The following MANBA variants were observed in gnomAD, a reference collection of about 807,000 sequenced individuals.
MANBA encodes mannosidase beta.
MANBA carries 83 observed loss-of-function variants against 111.1 expected under a neutral mutation model. The ratio of observed to expected loss-of-function variants is 0.75; its 90% confidence interval spans 0.63 to 0.90. MANBA has a LOEUF of 0.90. MANBA is among the 40% of genes least tolerant of loss of function. The pLI is 0.00. For missense variants in MANBA, 1,036 were observed against 1,069.0 expected (o/e 0.97, Z 0.43); for synonymous variants, 370 against 378.7 (o/e 0.98, Z 0.27).
At position 102,657,740 on chromosome 4, in the gene MANBA, G is replaced by A; in HGVS notation, c.1646C>T (p.Ala549Val). The change falls in exon 12 of 17, where the codon GCT (alanine) becomes GTT (valine). Residue 549 changes from alanine (A) to valine (V), a missense_variant. By Grantham distance (64) the Ala-to-Val change is moderately conservative (BLOSUM62 0). Coordinates refer to ENST00000647097, the MANE Select transcript of MANBA (RefSeq NM_005908.4). ...ATATCCATATTCAGATGCAAATCGA[G>A]CTTTTGGGAAAACTTTCCAGTTCCA... Reference protein sequence around the residue: ...DCWNWKVFPKARFASEYGYQS... With the variant: ...DCWNWKVFPKVRFASEYGYQS... The A allele has an allele frequency of 1.9e-6, 3 of 1,613,882 alleles. No individual in the cohort carries two copies. Among genetic ancestry groups the A allele is most frequent in the Non-Finnish European group, 2.5e-6 (3 of 1,179,822 alleles).
intron 1 of MANBA, chr4:102,727,269 T>C: frequency 1.8e-6 from 1 of 541,584 alleles, no homozygotes; most frequent in South Asian, 2.1e-5. Flanking sequence ...GGTCCTCACC[T>C]CACTTGACTT....
chr4:102,696,931 C>T (rs1214716149), intron 5 of MANBA, among the ~76,000 whole-genome samples: 2 of 152,172 alleles, frequency 1.3e-5, no homozygotes, highest in African/African-American at 2.4e-5. Context: ...TAAGCAGCTG[C>T]TTTTCAAAGA....
intron 5 of MANBA, among the ~76,000 whole-genome samples, chr4:102,694,640 T>C (rs1732624461): frequency 6.6e-6 from 1 of 151,870 alleles, no homozygotes; most frequent in Non-Finnish European, 1.5e-5. Flanking sequence ...GTACTGGGGG[T>C]GAGGGCAGGA....
intron 13 of MANBA, among the ~76,000 whole-genome samples, chr4:102,644,718 ATGTAT>A (rs924452282): frequency 4.6e-5 from 7 of 152,092 alleles, no homozygotes; most frequent in Non-Finnish European, 8.8e-5. Flanking sequence ...ATAATTAATA[ATGTAT>A]TGTATATTTG....
chr4:102,669,384 C>A (rs995622684), intron 9 of MANBA, among the ~76,000 whole-genome samples: 1 of 152,166 alleles, frequency 6.6e-6, no homozygotes, highest in Non-Finnish European at 1.5e-5. Context: ...TAATTCATTC[C>A]AATTTTCACC....
At chr4:102,714,071 T>G (rs571492849) in intron 5 of MANBA, among the ~76,000 whole-genome samples, 9 of 152,144 alleles carry the variant, frequency 5.9e-5, no homozygotes, top group African/African-American at 2.2e-4. Flanking sequence ...AGTCTAACGG[T>G]GTGAGCAAAG....
chr4:102,701,882 A>G (rs1733068413), intron 5 of MANBA, among the ~76,000 whole-genome samples: 2 of 151,602 alleles, frequency 1.3e-5, no homozygotes, highest in Non-Finnish European at 2.9e-5. Context: ...CGTTCTCTGT[A>G]TTTCCTGAAT....
intron 10 of MANBA, chr4:102,667,987 T>C (rs1731302359): frequency 6.6e-6 from 1 of 152,240 alleles, no homozygotes; most frequent in Non-Finnish European, 1.5e-5. Flanking sequence ...GATGTTTCAG[T>C]AGTATTTTAC....
At chr4:102,650,385 G>C (rs1480437068) in intron 13 of MANBA, 152 bp downstream of exon 13, 1 of 769,118 alleles carries the variant, frequency 1.3e-6, no homozygotes, top group Non-Finnish European at 2.1e-6. Flanking sequence ...CATGTCCTAT[G>C]TGTCATCATA....
chr4:102,654,771 A>G (rs1730488780), intron 12 of MANBA, among the ~76,000 whole-genome samples: 1 of 152,218 alleles, frequency 6.6e-6, no homozygotes, highest in Admixed American at 6.5e-5. Flanking sequence ...TCCCTAAGAA[A>G]AAGAACAACT....
intron 1 of MANBA, among the ~76,000 whole-genome samples, chr4:102,739,782 G>C (rs1400967469): frequency 1.3e-5 from 2 of 152,194 alleles, no homozygotes; most frequent in South Asian, 2.1e-4. Context: ...TGGCATAGAA[G>C]GGACATACCT....
At chr4:102,681,980 C>G (rs1205852017) in intron 7 of MANBA, among the ~76,000 whole-genome samples, 2 of 151,906 alleles carry the variant, frequency 1.3e-5, no homozygotes, top group Non-Finnish European at 2.9e-5. Context: ...ACCCCCATCT[C>G]TACTAAAAAT....
intron 9 of MANBA, among the ~76,000 whole-genome samples, chr4:102,669,474 G>C (rs1731388897): frequency 6.6e-6 from 1 of 152,188 alleles, no homozygotes; most frequent in Middle Eastern, 3.2e-3. Context: ...ATAGACAAAA[G>C]GATTACTACA....
Position 102,726,529 on chromosome 4 carries a change from C to A in MANBA, c.272+60G>T, listed in dbSNP as rs764271971. On this transcript the variant is annotated intron_variant, in intron 2 of 16. Coordinates refer to ENST00000647097, the MANE Select transcript of MANBA (RefSeq NM_005908.4). The stretch of plus-strand genomic sequence containing the variant: ...ACAAACAAAACACAACATTTTTGCC[C>A]AGATAGAAAAAGAAGAAAAGTTCAA... 6.2e-5 allele frequency: 57 copies of A among 915,036 alleles called. No individual in the cohort carries two copies. In the African/African-American group the frequency reaches 8.7e-4, roughly 14 times the overall value. The allele number at this position is 915,036 out of a possible 1,614,324, so 56.7% of individuals were successfully genotyped here.
At position 102,664,767 on chromosome 4, in the gene MANBA, T is replaced by C. The variant is rs776769550; in HGVS notation, c.1403A>G (p.His468Arg). The change falls in exon 11 of 17, where the codon CAT (histidine) becomes CGT (arginine). Residue 468 changes from histidine to arginine, a missense_variant. Coordinates refer to ENST00000647097, the MANE Select transcript of MANBA (RefSeq NM_005908.4). ...NEEALMMNWY[H>R]ISFTDRPIYI... The stretch of plus-strand genomic sequence containing the variant: ...GATTGGCCGGTCAGTGAAACTGATA[T>C]GATACCAATTCATCATCAGCGCCTC... The C allele has an allele frequency of 6.2e-6, 10 of 1,609,462 alleles. No homozygotes were observed. Among genetic ancestry groups the C allele is most frequent in the South Asian group, 2.2e-5 (2 of 90,988 alleles).
intron 4 of MANBA, among the ~76,000 whole-genome samples, chr4:102,720,894 A>G (rs1722539656): frequency 6.6e-6 from 1 of 152,248 alleles, no homozygotes; most frequent in Admixed American, 6.5e-5. Flanking sequence ...TTAAGGAAAC[A>G]TAATTTAATA....
intron 1 of MANBA, 38 bp downstream of exon 1, chr4:102,760,680 C>A: frequency 1.3e-6 from 2 of 1,501,258 alleles, no homozygotes; most frequent in Non-Finnish European, 1.8e-6. Flanking sequence ...CAGAAGAAGG[C>A]GGGCGCAGGC....
chr4:102,748,987 C>CT (rs1236346353), intron 1 of MANBA, among the ~76,000 whole-genome samples: 2 of 151,508 alleles, frequency 1.3e-5, no homozygotes, highest in East Asian at 1.9e-4. Context: ...TAATTTATCT[C>CT]TTTTTTTAAA....
In MANBA at chr4:102,714,524, A is replaced by G; in HGVS notation, c.587T>C (p.Phe196Ser). 6.2e-7 allele frequency: 1 copy of G among 1,608,626 alleles called. No individual in the cohort carries two copies. Among genetic ancestry groups the G allele is most frequent in the Non-Finnish European group, 8.5e-7 (1 of 1,174,976 alleles). Residue 196 changes from phenylalanine (F) to serine (S), a missense_variant, in exon 5 of 17, where the codon TTT becomes TCT. Transcript: ENST00000647097. ...CSFSWDWGPS[F>S]PTQGIWKDVR... ...ATCTTTCCAGATTCCCTGGGTAGGA[A>G]AGGAAGGCCCCCAGTCCCAACTAAA...
Sources: allele counts gnomAD v4.1 joint callset (sites outside exome capture counted in the v4.1 genomes callset), GRCh38; gene constraint gnomAD v4.1.1; transcripts MANE v1.5; gene names NCBI Gene and HGNC (gene_info 2026-07-23, HGNC 2026-07-21).